Variants in PCM1 observed in about 807,000 individuals in gnomAD.
PCM1 encodes pericentriolar material 1 protein.
In PCM1, 157 loss-of-function variants were observed where a neutral mutation model predicts 241.9. The observed-to-expected ratio is 0.65, with a 90% CI of 0.57 to 0.74. The LOEUF is 0.74. Ranked by LOEUF, PCM1 falls within the 30% of genes least tolerant of loss-of-function variation. The pLI is 0.00. For missense variants in PCM1, 3,478 were observed against 2,360.1 expected (o/e 1.47, Z -9.81); for synonymous variants, 1,085 against 784.9 (o/e 1.38, Z -6.39).
Position 17,963,096 on chromosome 8 carries a change from A to AC in PCM1, c.2464-5_2464-4insC. On this transcript the variant is annotated splice_polypyrimidine_tract_variant and splice_region_variant and intron_variant, in intron 16 of 38. Coordinates refer to ENST00000325083, the MANE Select transcript of PCM1 (RefSeq NM_006197.4). ...TATTTAACTCTGGTTTCTTAAAAAA[A>AC]ATAGTTGTGGTCAGAAATGAGAAGA... The AC allele has an allele frequency of 6.3e-7, 1 of 1,595,038 alleles. No homozygotes were observed.
chr8:17,998,420 A>G (rs538520564), intron 29 of PCM1, among the ~76,000 whole-genome samples: 2 of 152,322 alleles, frequency 1.3e-5, no homozygotes, highest in African/African-American at 2.4e-5. Context: ...TCATAGCGGT[A>G]TACCACTTTG....
At position 18,011,722 on chromosome 8, in the gene PCM1, A is replaced by C; in HGVS notation, c.5406A>C (p.Glu1802Asp). ...CTAATTATGGAAGTGGAGAAGATGA[A>C]AATGAGGATGAAGAAATGGAAGAAT... ...ALTNYGSGEDENEDEEMEEFE... is the reference protein window; with the variant it reads ...ALTNYGSGEDDNEDEEMEEFE... Residue 1802 changes from glutamate to aspartate, a missense_variant, in exon 34 of 39, where the codon GAA (glutamate) becomes GAC (aspartate). Transcript: ENST00000325083. 2 of 1,613,504 alleles carry C rather than the reference A, an allele frequency of 1.2e-6. No individual in the cohort carries two copies. The highest frequency in any genetic ancestry group is 1.7e-6 in the Non-Finnish European group (2 of 1,179,586).
At chr8:17,927,916 T>C (rs2057626971) in intron 2 of PCM1, 1 of 142,610 alleles carries the variant, frequency 7.0e-6, no homozygotes, top group African/African-American at 2.6e-5. Context: ...TGCCATAGTA[T>C]ATTTTCATTT....
rs762043110 is a variant in PCM1, at chr8:17,967,125, C to A, written c.3367C>A (p.Leu1123Ile). ...CAGCTTTCCAACACAGCCTGTAAAT[C>A]TCTTCAATATACCTGGATTTACTAA... ...PFSFPTQPVN[L>I]FNIPGFTNFS... The change falls in exon 21 of 39, where the codon CTC (leucine) becomes ATC (isoleucine). Residue 1123 changes from leucine to isoleucine, a missense_variant. Physicochemically the swap from Leu to Ile is conservative, Grantham distance 5 (BLOSUM62 2). Coordinates refer to ENST00000325083, the MANE Select transcript of PCM1 (RefSeq NM_006197.4). The A allele has an allele frequency of 1.9e-6, 3 of 1,605,476 alleles. No homozygotes were observed. The highest frequency in any genetic ancestry group is 2.7e-5 in the African/African-American group (2 of 74,838).
At chr8:17,927,542 A>G (rs1417165084) in intron 2 of PCM1, 1 of 152,098 alleles carries the variant, frequency 6.6e-6, no homozygotes, top group Non-Finnish European at 1.5e-5. Flanking sequence ...CTATAGTTAG[A>G]ATCCTGCAAC....
In PCM1 at chr8:17,972,552, C is replaced by T. The variant is rs765666084; in HGVS notation, c.3808C>T (p.Pro1270Ser). 2 of 1,613,744 alleles carry T rather than the reference C, an allele frequency of 1.2e-6. No individual in the cohort carries two copies. The highest frequency in any genetic ancestry group is 1.7e-6 in the Non-Finnish European group (2 of 1,179,722). The part of the protein sequence containing the change: ...SFSSMPDPVD[P>S]TTVTKTFKTR... ...TAGCAGTATGCCTGATCCAGTAGAT[C>T]CAACAACAGTGACTAAAACATTCAA... The change falls in exon 23 of 39, where the codon CCA becomes TCA. Residue 1270 changes from proline (P) to serine (S), a missense_variant. Transcript: ENST00000325083.
At chr8:18,013,287 A>T (rs949688315) in intron 34 of PCM1, among the ~76,000 whole-genome samples, 5 of 152,182 alleles carry the variant, frequency 3.3e-5, no homozygotes, top group Non-Finnish European at 5.9e-5. Context: ...TTGGTGCAAA[A>T]GTAATTGTGG....
At chr8:17,991,204 A>G (rs1333064750) in intron 27 of PCM1, among the ~76,000 whole-genome samples, 1 of 152,120 alleles carries the variant, frequency 6.6e-6, no homozygotes, top group Non-Finnish European at 1.5e-5. Context: ...ATTCACTTGT[A>G]TTGTTTAAAT....
At chr8:18,020,638 C>A (rs1217504461) in intron 36 of PCM1, among the ~76,000 whole-genome samples, 1 of 152,134 alleles carries the variant, frequency 6.6e-6, no homozygotes, top group Non-Finnish European at 1.5e-5. Context: ...TATGAAAAAA[C>A]TGTAGAGAAG....
At chr8:17,944,164 T>C (rs2063070973) in intron 6 of PCM1, among the ~76,000 whole-genome samples, 1 of 152,202 alleles carries the variant, frequency 6.6e-6, no homozygotes, top group South Asian at 2.1e-4. Flanking sequence ...TCATTGCTAG[T>C]TATTTCGTGT....
chr8:17,997,764 A>T (rs2087442660), intron 29 of PCM1, among the ~76,000 whole-genome samples: 1 of 151,270 alleles, frequency 6.6e-6, no homozygotes, highest in Admixed American at 6.6e-5. Context: ...TATGGCTCAC[A>T]CCTGTGATCC....
chr8:17,945,895 G>C (rs1049117249), intron 6 of PCM1, among the ~76,000 whole-genome samples: 24 of 152,068 alleles, frequency 1.6e-4, no homozygotes, highest in Admixed American at 1.4e-3. Flanking sequence ...ATTTAAAATT[G>C]ACTAAGTGAA....
intron 24 of PCM1, among the ~76,000 whole-genome samples, chr8:17,983,653 A>T (rs968167227): frequency 1.3e-5 from 2 of 152,150 alleles, no homozygotes; most frequent in African/African-American, 4.8e-5. Context: ...TTTCCATTTC[A>T]GTCAGCATCT....
Position 18,011,167 on chromosome 8 carries a change from G to T in PCM1, c.5221-70G>T, listed in dbSNP as rs117750791. 6 of 1,024,698 alleles carry T rather than the reference G, an allele frequency of 5.9e-6. No individual in the cohort carries two copies. In the Admixed American group the frequency reaches 1.2e-4, roughly 21 times the overall value. The allele number at this position is 1,024,698 out of a possible 1,614,324, so 63.5% of individuals were successfully genotyped here. Reference sequence around the variant, plus strand: ...ATTAGATAATGATCATTATTAATACGATAGACTTACTATATACCTTTTACA... The same window carrying T: ...ATTAGATAATGATCATTATTAATACTATAGACTTACTATATACCTTTTACA... On this transcript the variant is annotated intron_variant, in intron 32 of 38. Transcript: ENST00000325083.
rs1356691029 is a variant in PCM1 at position 18,029,691 on chromosome 8, ATC to A, written c.*2031_*2032del. On this transcript the variant is annotated 3_prime_UTR_variant, in exon 39 of 39. Transcript: ENST00000325083. Reference sequence around the variant, plus strand: ...GTTTGAGAGCAGATATATTTATTTAATCTGTTTTCTCTAGTAACTATTGCTGA... The same window carrying A: ...GTTTGAGAGCAGATATATTTATTTAATGTTTTCTCTAGTAACTATTGCTGA... 2.0e-5 allele frequency: 4 copies of A among 198,230 alleles called. No individual in the cohort carries two copies. The East Asian group carries it at 2.4e-4, about 12-fold the overall frequency. 12.3% of individuals were successfully genotyped at this position (198,230 alleles called of 1,614,324 possible).
intron 2 of PCM1, chr8:17,926,928 G>T (rs2057211179): frequency 6.6e-6 from 1 of 152,116 alleles, no homozygotes; most frequent in South Asian, 2.1e-4. Flanking sequence ...ATGGATATTG[G>T]AATTGAGGCC....
chr8:18,001,438 G>C (rs1411789477), intron 29 of PCM1, among the ~76,000 whole-genome samples: 1 of 152,106 alleles, frequency 6.6e-6, no homozygotes, highest in Non-Finnish European at 1.5e-5. Context: ...AAACTAACCA[G>C]TTTATATTCC....
At chr8:17,925,718 T>G (rs969300606) in intron 2 of PCM1, 2 of 152,256 alleles carry the variant, frequency 1.3e-5, no homozygotes, top group African/African-American at 4.8e-5. Flanking sequence ...GCACCTGTAG[T>G]CCCAGCTACT....
At chr8:18,024,789 G>A (rs2094044009) in intron 36 of PCM1, among the ~76,000 whole-genome samples, 1 of 152,108 alleles carries the variant, frequency 6.6e-6, no homozygotes, top group Admixed American at 6.5e-5. Flanking sequence ...GGAGCAGGGT[G>A]AGAAACAGTG....
Sources: allele counts gnomAD v4.1 joint callset (sites outside exome capture counted in the v4.1 genomes callset), GRCh38; gene constraint gnomAD v4.1.1; transcripts MANE v1.5; gene names NCBI Gene and HGNC (gene_info 2026-07-23, HGNC 2026-07-21).